The following LPAR1 variants were observed in gnomAD, a reference collection of about 807,000 sequenced individuals.
The protein encoded by LPAR1 is LPA receptor 1.
A neutral mutation model predicts 23.8 loss-of-function variants in LPAR1; 5 were observed. That is an observed-to-expected ratio of 0.21 (90% CI 0.11 to 0.44). The LOEUF (loss-of-function observed/expected upper bound fraction) is 0.44. LPAR1 is among the 20% of genes least tolerant of loss of function. The pLI, the probability that LPAR1 is intolerant of heterozygous loss-of-function variation, is 0.99. For synonymous variants in LPAR1, 160 were observed against 164.7 expected, an observed-to-expected ratio of 0.97 and a Z score of 0.22; for missense variants, 311 against 482.8, an observed-to-expected ratio of 0.64 and a Z score of 3.33.
At chr9:110,923,663 C>T (rs1289856781) in intron 5 of LPAR1, among the ~76,000 whole-genome samples, 1 of 152,150 alleles carries the variant, frequency 6.6e-6, no homozygotes, top group Non-Finnish European at 1.5e-5. Context: ...GTGTAATAAT[C>T]TCACTTAACC....
In LPAR1 at chr9:110,942,737, C is replaced by T. The variant is rs553547157; in HGVS notation, c.46-569G>A. ...GTTTTTTGCCCAAAGCCAGCATTTG[C>T]TGCTCAACATTCCTGTGGTCAGCAC... On this transcript the variant is annotated intron_variant, in intron 4 of 5. Coordinates refer to ENST00000683809, the MANE Select transcript of LPAR1 (RefSeq NM_001351411.2). Among the ~76,000 whole-genome samples, 8 of 152,300 alleles carry T rather than the reference C, an allele frequency of 5.3e-5. No homozygotes were observed. The South Asian group carries it at 1.7e-3, about 32-fold the overall frequency.
intron 5 of LPAR1, among the ~76,000 whole-genome samples, chr9:110,892,876 G>GGCAC (rs2084999453): frequency 7.0e-6 from 1 of 142,052 alleles, no homozygotes. Context: ...CATGCAGGCA[G>GGCAC]GCAGGCTCAA....
rs73539551 is a variant in LPAR1 at position 110,932,431 on chromosome 9, C to T, written c.793+8990G>A. Among the ~76,000 whole-genome samples, 344 of 152,314 alleles carry T rather than the reference C, an allele frequency of 2.3e-3. 2 individuals carry two copies. The highest frequency in any genetic ancestry group is 8.0e-3 in the African/African-American group (331 of 41,568). On this transcript the variant is annotated intron_variant, in intron 5 of 5. Coordinates refer to ENST00000683809, the MANE Select transcript of LPAR1 (RefSeq NM_001351411.2). Reference sequence around the variant, plus strand: ...GGTGGTCAAACTGTGAAGCTAGGACCGGCTAGAGAACAGCAATCAGGTCTC... The same window carrying T: ...GGTGGTCAAACTGTGAAGCTAGGACTGGCTAGAGAACAGCAATCAGGTCTC...
intron 2 of LPAR1, among the ~76,000 whole-genome samples, chr9:110,981,131 A>G (rs2096657265): frequency 6.6e-6 from 1 of 152,146 alleles, no homozygotes; most frequent in South Asian, 2.1e-4. Context: ...GATATCATCA[A>G]ATATTCGGTA....
At chr9:110,913,756 G>C (rs2092742434) in intron 5 of LPAR1, among the ~76,000 whole-genome samples, 2 of 152,294 alleles carry the variant, frequency 1.3e-5, no homozygotes, top group Admixed American at 1.3e-4. Flanking sequence ...GAACATTAGG[G>C]TAAGAGATTT....
intron 5 of LPAR1, among the ~76,000 whole-genome samples, chr9:110,909,244 T>G (rs963341599): frequency 6.6e-6 from 1 of 152,350 alleles, no homozygotes; most frequent in Middle Eastern, 3.4e-3. Flanking sequence ...ATGCTTGGCA[T>G]CTCAGTGATT....
At chr9:111,033,696 C>T (rs550052790) in intron 2 of LPAR1, among the ~76,000 whole-genome samples, 2 of 152,256 alleles carry the variant, frequency 1.3e-5, no homozygotes, top group South Asian at 2.1e-4. Flanking sequence ...GGATTACAGG[C>T]GCCCAGCATC....
Position 110,987,189 on chromosome 9 carries a change from AG to A in LPAR1, c.-181-13632del, listed in dbSNP as rs2096800614. Among the ~76,000 whole-genome samples, 2 of 151,960 alleles carry A rather than the reference AG, an allele frequency of 1.3e-5. 1 individual carries two copies. Among genetic ancestry groups the A allele is most frequent in the South Asian group, 4.1e-4 (2 of 4,832 alleles). On this transcript the variant is annotated intron_variant, in intron 2 of 5. Coordinates refer to ENST00000683809, the MANE Select transcript of LPAR1 (RefSeq NM_001351411.2). ...TGCTTAATGCAATATCATGTATGATAGGATAATTTTAGGAACAATGTAAGCA... is the reference window on the plus strand; with the variant it reads ...TGCTTAATGCAATATCATGTATGATAGATAATTTTAGGAACAATGTAAGCA...
At chr9:110,887,078 T>C (rs965758568) in intron 5 of LPAR1, among the ~76,000 whole-genome samples, 1 of 152,120 alleles carries the variant, frequency 6.6e-6, no homozygotes, top group African/African-American at 2.4e-5. Flanking sequence ...CCCAAAATAA[T>C]ATAAATCTAA....
chr9:110,980,093 C>G (rs529851387), intron 2 of LPAR1, among the ~76,000 whole-genome samples: 1 of 152,102 alleles, frequency 6.6e-6, no homozygotes, highest in Non-Finnish European at 1.5e-5. Context: ...CCTATTAACA[C>G]TGAATAATGG....
At chr9:110,951,740 C>G (rs2095575250) in intron 4 of LPAR1, among the ~76,000 whole-genome samples, 1 of 151,984 alleles carries the variant, frequency 6.6e-6, no homozygotes, top group Non-Finnish European at 1.5e-5. Context: ...CATGTTCATA[C>G]ACTAGATCAA....
intron 2 of LPAR1, among the ~76,000 whole-genome samples, chr9:110,990,270 G>T (rs752033394): frequency 7.9e-5 from 12 of 152,000 alleles, no homozygotes; most frequent in Non-Finnish European, 1.3e-4. Context: ...ATTTTGAAAA[G>T]ACTCAACCCA....
intron 5 of LPAR1, among the ~76,000 whole-genome samples, chr9:110,914,418 C>T (rs1564450432): frequency 6.6e-6 from 1 of 152,090 alleles, no homozygotes; most frequent in Admixed American, 6.6e-5. Context: ...CCCTGTAAAA[C>T]CATCAGGTCT....
In LPAR1 at chr9:110,930,786, G is replaced by A. The variant is rs533329862; in HGVS notation, c.793+10635C>T. ...CAAAATCAGCCGGGCGTGGTGGCGC[G>A]TGCCTATAGTCCCAGCTACCCCGGA... On this transcript the variant is annotated intron_variant, in intron 5 of 5. Transcript: ENST00000683809. 2.6e-4 allele frequency among the ~76,000 whole-genome samples: 40 copies of A among 151,788 alleles called. No homozygotes were observed. The East Asian group carries it at 7.7e-3, about 29-fold the overall frequency.
intron 2 of LPAR1, among the ~76,000 whole-genome samples, chr9:110,981,649 C>T (rs2096669477): frequency 6.6e-6 from 1 of 151,038 alleles, no homozygotes; most frequent in African/African-American, 2.4e-5. Context: ...GACAGAAGTG[C>T]CACTGCAGAA....
At chr9:110,918,997 C>G (rs529124864) in intron 5 of LPAR1, among the ~76,000 whole-genome samples, 1 of 152,054 alleles carries the variant, frequency 6.6e-6, no homozygotes, top group Non-Finnish European at 1.5e-5. Flanking sequence ...GGTGTGTGAG[C>G]AGAACCTGTA....
intron 5 of LPAR1, among the ~76,000 whole-genome samples, chr9:110,888,422 T>G (rs1032874743): frequency 6.6e-6 from 1 of 152,184 alleles, no homozygotes; most frequent in Non-Finnish European, 1.5e-5. Context: ...GTTCTTTTTT[T>G]CCCCCAATTT....
intron 2 of LPAR1, among the ~76,000 whole-genome samples, chr9:111,012,381 A>C (rs2097347937): frequency 6.6e-6 from 1 of 152,140 alleles, no homozygotes; most frequent in African/African-American, 2.4e-5. Context: ...GATGACAGTA[A>C]ACAGTGAAAA....
In LPAR1 at chr9:110,906,204, T is replaced by C. The variant is rs138329309; in HGVS notation, c.794-30482A>G. Among the ~76,000 whole-genome samples, 412 of 152,330 alleles carry C rather than the reference T, an allele frequency of 2.7e-3. 1 individual carries two copies. Among genetic ancestry groups the C allele is most frequent in the Middle Eastern group, 6.8e-3 (2 of 294 alleles). Reference sequence around the variant, plus strand: ...TTATGTTTGGGACTTCTAAGATCCCTGGAACTCTAGAATCAACCTTCTGAC... The same window carrying C: ...TTATGTTTGGGACTTCTAAGATCCCCGGAACTCTAGAATCAACCTTCTGAC... On this transcript the variant is annotated intron_variant, in intron 5 of 5. Transcript: ENST00000683809.
Sources: gnomAD v4.1 joint callset for allele counts (sites outside exome capture counted in the v4.1 genomes callset) on GRCh38, gnomAD v4.1.1 for gene constraint, MANE v1.5 for transcripts, NCBI Gene and HGNC (gene_info 2026-07-23, HGNC 2026-07-21) for gene names.